Variants in MYO6 observed in about 807,000 individuals in gnomAD.
MYO6 encodes unconventional myosin-VI.
In MYO6, 74 loss-of-function variants were observed where a neutral mutation model predicts 178.7. That is an observed-to-expected ratio of 0.41 (90% confidence interval 0.34 to 0.50). The LOEUF (loss-of-function observed/expected upper bound fraction) is 0.50, where lower values mean the gene tolerates loss of function less well. Ranked by LOEUF, MYO6 falls within the 20% of genes least tolerant of loss-of-function variation. The pLI is 0.09. For missense variants in MYO6, 1,330 were observed against 1,547.4 expected (o/e 0.86, Z 2.36); for synonymous variants, 477 against 504.6 (o/e 0.95, Z 0.73).
At chr6:75,851,236 G>A (rs184721829) in intron 11 of MYO6, among the ~76,000 whole-genome samples, 3 of 152,116 alleles carry the variant, frequency 2.0e-5, no homozygotes, top group African/African-American at 7.2e-5. Flanking sequence ...ATGCCCAAAA[G>A]GTAATGCTAT....
intron 2 of MYO6, among the ~76,000 whole-genome samples, chr6:75,821,640 AACAC>A (rs891229782): frequency 2.7e-5 from 3 of 109,306 alleles, no homozygotes; most frequent in Non-Finnish European, 4.1e-5. Flanking sequence ...CACACACACA[AACAC>A]ACACACACAC....
chr6:75,811,354 G>T (rs1354177860), intron 1 of MYO6, among the ~76,000 whole-genome samples: 1 of 152,052 alleles, frequency 6.6e-6, no homozygotes, highest in African/African-American at 2.4e-5. Context: ...GTTGCTGTTG[G>T]TTGCCTCTCA....
At chr6:75,792,131 T>C (rs967186808) in intron 1 of MYO6, among the ~76,000 whole-genome samples, 1 of 152,226 alleles carries the variant, frequency 6.6e-6, no homozygotes, top group Non-Finnish European at 1.5e-5. Context: ...GGTTATGGAT[T>C]GTTCATATTA....
intron 6 of MYO6, among the ~76,000 whole-genome samples, chr6:75,833,225 T>A (rs1182778070): frequency 6.6e-6 from 1 of 152,218 alleles, no homozygotes; most frequent in Non-Finnish European, 1.5e-5. Flanking sequence ...TGGGCTGGGC[T>A]TGAGCAACCC....
At chr6:75,890,462 A>G (rs1778816777) in intron 26 of MYO6, among the ~76,000 whole-genome samples, 197 bp downstream of exon 26, 2 of 152,134 alleles carry the variant, frequency 1.3e-5, no homozygotes, top group African/African-American at 4.8e-5. Flanking sequence ...TTCCTGCCTC[A>G]GCCTCCTGAG....
chr6:75,763,737 A>G (rs1778152414), intron 1 of MYO6, among the ~76,000 whole-genome samples: 1 of 152,214 alleles, frequency 6.6e-6, no homozygotes, highest in Non-Finnish European at 1.5e-5. Context: ...TAAATGCTAG[A>G]GTTCTACTTA....
intron 1 of MYO6, among the ~76,000 whole-genome samples, chr6:75,816,574 T>C (rs946773266): frequency 1.3e-5 from 2 of 152,222 alleles, no homozygotes; most frequent in Non-Finnish European, 2.9e-5. Context: ...TACTTAGATT[T>C]GTACATTTCA....
In MYO6 at chr6:75,908,574, A is replaced by G. The variant is rs1180368727; in HGVS notation, c.3359A>G (p.Lys1120Arg). 3 of 1,613,552 alleles carry G rather than the reference A, an allele frequency of 1.9e-6. No homozygotes were observed. The highest frequency in any genetic ancestry group is 1.7e-5 in the Admixed American group (1 of 60,002). The stretch of plus-strand genomic sequence containing the variant: ...TATCATGCTTGGAAATCTAAGAACA[A>G]GAAGAGAAATACTGAAACAGAGCAA... ...KVYHAWKSKN[K>R]KRNTETEQRA... Residue 1120 changes from lysine (K) to arginine (R), a missense_variant, in exon 32 of 35, where the codon AAG becomes AGG. Coordinates refer to ENST00000369977, the MANE Select transcript of MYO6 (RefSeq NM_004999.4).
chr6:75,870,718 T>A, intron 19 of MYO6, 33 bp downstream of exon 19: 1 of 1,570,954 alleles, frequency 6.4e-7, no homozygotes, highest in Non-Finnish European at 8.7e-7. Context: ...CAGGTTTTTA[T>A]GGGTCATCTA....
chr6:75,918,495 A>G lies in MYO6; in HGVS notation c.*3483A>G, dbSNP rs186588201. On this transcript the variant is annotated 3_prime_UTR_variant, in exon 35 of 35. Coordinates refer to ENST00000369977, the MANE Select transcript of MYO6 (RefSeq NM_004999.4). ...ATTTATAGGATCAGAACGTATGGTT[A>G]TTAAAACTTGGATCAAGATATGCCC... 2.0e-5 allele frequency: 3 copies of G among 152,262 alleles called. No individual in the cohort carries two copies. Among genetic ancestry groups the G allele is most frequent in the African/African-American group, 7.2e-5 (3 of 41,466 alleles). 9.4% of individuals were successfully genotyped at this position (152,262 alleles called of 1,614,324 possible). A position where few individuals can be genotyped will look rare whatever the true frequency, so the allele number is the denominator to read the frequency against.
At chr6:75,876,951 A>C (rs1056806153) in intron 20 of MYO6, among the ~76,000 whole-genome samples, 1 of 152,170 alleles carries the variant, frequency 6.6e-6, no homozygotes, top group Non-Finnish European at 1.5e-5. Flanking sequence ...AGAATTAATA[A>C]ATTTAAGTCA....
intron 1 of MYO6, among the ~76,000 whole-genome samples, chr6:75,810,335 G>T (rs531866870): frequency 1.6e-4 from 24 of 152,272 alleles, no homozygotes; most frequent in Non-Finnish European, 3.4e-4. Flanking sequence ...ATATGTCAAA[G>T]AAATATATTG....
intron 1 of MYO6, among the ~76,000 whole-genome samples, chr6:75,770,435 G>C (rs1765761242): frequency 6.6e-6 from 1 of 152,146 alleles, no homozygotes; most frequent in African/African-American, 2.4e-5. Context: ...AGTATTTGTT[G>C]CTCTGTATGT....
intron 3 of MYO6, among the ~76,000 whole-genome samples, chr6:75,823,210 T>G (rs1772085585): frequency 6.6e-6 from 1 of 152,200 alleles, no homozygotes; most frequent in African/African-American, 2.4e-5. Context: ...ATTTGGAAGT[T>G]GAGTCAGTAG....
chr6:75,872,522 A>G (rs1777235646), intron 19 of MYO6, among the ~76,000 whole-genome samples: 1 of 152,208 alleles, frequency 6.6e-6, no homozygotes, highest in African/African-American at 2.4e-5. Context: ...CTTTTGTCAT[A>G]GGGAAATTTC....
chr6:75,908,993 A>T (rs1780560766), intron 32 of MYO6, among the ~76,000 whole-genome samples: 1 of 152,202 alleles, frequency 6.6e-6, no homozygotes. Flanking sequence ...TGAATTTTAC[A>T]TATGAAAATG....
chr6:75,857,440 T>C (rs1204685951), intron 13 of MYO6, among the ~76,000 whole-genome samples, 186 bp downstream of exon 13: 1 of 152,138 alleles, frequency 6.6e-6, no homozygotes, highest in Non-Finnish European at 1.5e-5. Flanking sequence ...GAGGAAAGAC[T>C]CGTGGGGATT....
chr6:75,846,078 T>C (rs1774706405), intron 10 of MYO6, among the ~76,000 whole-genome samples: 1 of 151,864 alleles, frequency 6.6e-6, no homozygotes, highest in Admixed American at 6.6e-5. Context: ...TTGGTTTCAG[T>C]AAATTATATT....
chr6:75,791,608 G>T (rs574185353), intron 1 of MYO6, among the ~76,000 whole-genome samples: 1 of 152,136 alleles, frequency 6.6e-6, no homozygotes, highest in African/African-American at 2.4e-5. Context: ...AAAAGTACTC[G>T]ATCAAGGAGA....
Sources: allele counts gnomAD v4.1 joint callset (sites outside exome capture counted in the v4.1 genomes callset), GRCh38; gene constraint gnomAD v4.1.1; transcripts MANE v1.5; gene names NCBI Gene and HGNC (gene_info 2026-07-23, HGNC 2026-07-21).